Variants in FHIP1A observed in about 807,000 individuals in gnomAD.
FHIP1A encodes the protein FHF complex subunit HOOK interacting protein 1A.
A neutral mutation model predicts 88.6 loss-of-function variants in FHIP1A; 61 were observed. The observed-to-expected ratio is 0.69, with a 90% CI of 0.56 to 0.85. The LOEUF (loss-of-function observed/expected upper bound fraction) is 0.85. FHIP1A is among the 40% of genes least tolerant of loss of function. The probability of loss-of-function intolerance (pLI) is 0.00; values close to 1 mark genes in which losing one functional copy is unlikely to be tolerated. For synonymous variants in FHIP1A, 478 were observed against 496.0 expected, an observed-to-expected ratio of 0.96 and a Z score of 0.48; for missense variants, 1,154 against 1,273.5, an observed-to-expected ratio of 0.91 and a Z score of 1.43.
At chr4:151,561,598 A>G (rs1029991167) in intron 3 of FHIP1A, among the ~76,000 whole-genome samples, 2 of 152,158 alleles carry the variant, frequency 1.3e-5, no homozygotes, top group African/African-American at 4.8e-5. Flanking sequence ...ATATTTGATG[A>G]GTCTTCATCC....
rs561874267 is a variant in FHIP1A at position 151,608,478 on chromosome 4, A to T, written c.978+19552A>T. ...TTGAATGTGCAGCTAGTTACTGGGG[A>T]ACTTCTTCATTGCAAACTCCTGGGT... On this transcript the variant is annotated intron_variant, in intron 7 of 13. Transcript: ENST00000435205. Among the ~76,000 whole-genome samples the T allele has an allele frequency of 1.1e-4, 16 of 152,128 alleles. No homozygotes were observed. The East Asian group carries it at 1.9e-3, about 18-fold the overall frequency.
chr4:151,601,174 T>A (rs62327268), intron 7 of FHIP1A, among the ~76,000 whole-genome samples: 42,854 of 151,954 alleles, frequency 0.28, 6,326 homozygotes, highest in Non-Finnish European at 0.33. Context: ...GTCAGGGGAA[T>A]AAATAACTAA....
intron 7 of FHIP1A, among the ~76,000 whole-genome samples, chr4:151,600,750 C>T (rs1734837750): frequency 6.6e-6 from 1 of 152,110 alleles, no homozygotes; most frequent in Admixed American, 6.5e-5. Context: ...CACAGCCTCT[C>T]CACAGGGCTG....
intron 1 of FHIP1A, among the ~76,000 whole-genome samples, chr4:151,448,438 A>C (rs1728682179): frequency 6.6e-6 from 1 of 151,684 alleles, no homozygotes; most frequent in Non-Finnish European, 1.5e-5. Context: ...CTAATCTGAA[A>C]CTCTACCCAT....
chr4:151,453,648 C>T (rs1020582214), intron 1 of FHIP1A, among the ~76,000 whole-genome samples: 3 of 152,072 alleles, frequency 2.0e-5, no homozygotes, highest in African/African-American at 7.2e-5. Context: ...GTCGGGAGTT[C>T]GAGACCAGCT....
intron 3 of FHIP1A, among the ~76,000 whole-genome samples, chr4:151,510,933 G>T (rs779005250): frequency 6.6e-5 from 10 of 152,120 alleles, no homozygotes; most frequent in Non-Finnish European, 1.5e-4. Flanking sequence ...CTAATCTCTA[G>T]AGATAACTAA....
intron 3 of FHIP1A, among the ~76,000 whole-genome samples, chr4:151,551,739 A>C (rs1732741469): frequency 6.6e-6 from 1 of 152,238 alleles, no homozygotes; most frequent in Admixed American, 6.5e-5. Flanking sequence ...CCCTAGAAGA[A>C]AACCTAGGCA....
At chr4:151,490,356 A>C (rs1730238972) in intron 3 of FHIP1A, among the ~76,000 whole-genome samples, 1 of 152,172 alleles carries the variant, frequency 6.6e-6, no homozygotes, top group African/African-American at 2.4e-5. Context: ...ATTCCCCAGC[A>C]CCAGCCCAGA....
chr4:151,584,313 G>T (rs889678977), intron 5 of FHIP1A, among the ~76,000 whole-genome samples: 12 of 152,172 alleles, frequency 7.9e-5, no homozygotes, highest in Non-Finnish European at 1.2e-4. Flanking sequence ...GAGAGATGGA[G>T]AAGATAGGCA....
At chr4:151,423,581 A>G (rs1733257062) in intron 1 of FHIP1A, among the ~76,000 whole-genome samples, 1 of 152,218 alleles carries the variant, frequency 6.6e-6, no homozygotes. Flanking sequence ...TTATCTATAA[A>G]TAGAGATAAT....
intron 5 of FHIP1A, among the ~76,000 whole-genome samples, chr4:151,585,491 C>A (rs951419092): frequency 1.3e-5 from 2 of 152,142 alleles, no homozygotes; most frequent in African/African-American, 4.8e-5. Flanking sequence ...ATAGCTGGCT[C>A]CTTTGCATTC....
intron 4 of FHIP1A, among the ~76,000 whole-genome samples, chr4:151,573,293 CAT>C (rs926446355): frequency 5.9e-5 from 9 of 151,702 alleles, no homozygotes; most frequent in South Asian, 2.1e-4. Flanking sequence ...CACACACACA[CAT>C]ACACACACAC....
chr4:151,631,449 A>G (rs1736155414), intron 8 of FHIP1A, among the ~76,000 whole-genome samples: 1 of 152,174 alleles, frequency 6.6e-6, no homozygotes, highest in Non-Finnish European at 1.5e-5. Context: ...TAAGATTAAA[A>G]TAGAAATTAA....
At chr4:151,601,726 CT>C (rs1734875011) in intron 7 of FHIP1A, among the ~76,000 whole-genome samples, 1 of 151,440 alleles carries the variant, frequency 6.6e-6, no homozygotes, top group South Asian at 2.1e-4. Flanking sequence ...AGTAAGAGAT[CT>C]GGGTTCTAGT....
intron 3 of FHIP1A, among the ~76,000 whole-genome samples, chr4:151,558,090 T>A (rs1658834307): frequency 6.6e-6 from 1 of 152,178 alleles, no homozygotes; most frequent in Non-Finnish European, 1.5e-5. Context: ...AGCAGTTAGA[T>A]CTGCCATTAA....
intron 2 of FHIP1A, among the ~76,000 whole-genome samples, chr4:151,478,356 CA>C (rs900873630): frequency 1.3e-5 from 2 of 152,036 alleles, no homozygotes; most frequent in East Asian, 1.9e-4. Flanking sequence ...AGCCTCATTT[CA>C]AAAAAAATCT....
chr4:151,470,463 G>C (rs1031273908), intron 2 of FHIP1A, among the ~76,000 whole-genome samples: 2 of 152,128 alleles, frequency 1.3e-5, no homozygotes, highest in Non-Finnish European at 2.9e-5. Flanking sequence ...AGTAGATGTT[G>C]GTCGTTTATT....
chr4:151,425,821 A>G lies in FHIP1A; in HGVS notation c.-356+16356A>G, dbSNP rs138874840. 2.3e-4 allele frequency among the ~76,000 whole-genome samples: 35 copies of G among 152,130 alleles called. No individual in the cohort carries two copies. The East Asian group carries it at 6.2e-3, about 27-fold the overall frequency. Reference sequence around the variant, plus strand: ...CTGTCTTTGCATCATTCTCCTCTACATGTGTCCCTGTCTAATTTCTTTCTG... The same window carrying G: ...CTGTCTTTGCATCATTCTCCTCTACGTGTGTCCCTGTCTAATTTCTTTCTG... On this transcript the variant is annotated intron_variant, in intron 1 of 13. Coordinates refer to ENST00000435205, the MANE Select transcript of FHIP1A (RefSeq NM_001109977.3).
At chr4:151,568,161 A>G (rs1358643964) in intron 4 of FHIP1A, among the ~76,000 whole-genome samples, 1 of 152,196 alleles carries the variant, frequency 6.6e-6, no homozygotes, top group African/African-American at 2.4e-5. Flanking sequence ...CCAGAATCAT[A>G]TTATTCATTT....
Sources: allele counts gnomAD v4.1 joint callset (sites outside exome capture counted in the v4.1 genomes callset), GRCh38; gene constraint gnomAD v4.1.1; transcripts MANE v1.5; gene names NCBI Gene and HGNC (gene_info 2026-07-23, HGNC 2026-07-21).